Variants in WDFY3 observed in about 807,000 individuals in gnomAD.
WDFY3 encodes WD repeat and FYVE domain-containing protein 3.
Under a neutral mutation model 409.6 loss-of-function variants are expected in WDFY3, and 66 were observed. The ratio of observed to expected loss-of-function variants is 0.16; its 90% CI spans 0.13 to 0.20. The LOEUF is 0.20. WDFY3 is among the 10% of genes least tolerant of loss of function. The pLI is 1.00. For missense variants in WDFY3, 3,031 were observed against 4,298.1 expected, an observed-to-expected ratio of 0.71 and a Z score of 8.24; for synonymous variants, 1,521 against 1,537.1, an observed-to-expected ratio of 0.99 and a Z score of 0.25.
chr4:84,961,891 A>AT (rs1418078098), intron 1 of WDFY3, among the ~76,000 whole-genome samples: 12 of 152,210 alleles, frequency 7.9e-5, no homozygotes, highest in African/African-American at 2.9e-4. Context: ...TAGTTCAATA[A>AT]AAAGGTTACT....
intron 2 of WDFY3, among the ~76,000 whole-genome samples, chr4:84,900,767 C>T (rs1766242596): frequency 6.6e-6 from 1 of 152,142 alleles, no homozygotes; most frequent in African/African-American, 2.4e-5. Context: ...GTAGCAGTTA[C>T]ACTTATCTGC....
At chr4:84,760,402 T>C (rs1170786165) in intron 32 of WDFY3, among the ~76,000 whole-genome samples, 1 of 152,168 alleles carries the variant, frequency 6.6e-6, no homozygotes, top group Admixed American at 6.5e-5. Flanking sequence ...CTTGTACCTC[T>C]GGTAGAATTC....
In WDFY3 at chr4:84,794,884, C is replaced by T; in HGVS notation, c.3263G>A (p.Gly1088Asp). 1 of 1,564,440 alleles carries T rather than the reference C, an allele frequency of 6.4e-7. No individual in the cohort carries two copies. The highest frequency in any genetic ancestry group is 8.6e-7 in the Non-Finnish European group (1 of 1,163,548). ...LIDGAVVSGI[G>D]SGERFFPPPS... ...AGAAAGCAAATATTACTTACCAGAACCAATGCCACTGACCACAGCCCCATC... is the reference window on the plus strand; with the variant it reads ...AGAAAGCAAATATTACTTACCAGAATCAATGCCACTGACCACAGCCCCATC... The change falls in exon 20 of 68, where the codon GGT becomes GAT. Residue 1088 changes from glycine (G) to aspartate (D), a missense_variant. Coordinates refer to ENST00000295888, the MANE Select transcript of WDFY3 (RefSeq NM_014991.6).
Position 84,943,664 on chromosome 4 carries a change from A to G in WDFY3, c.-225-11301T>C, listed in dbSNP as rs544434549. 5.3e-5 allele frequency among the ~76,000 whole-genome samples: 8 copies of G among 152,286 alleles called. No individual in the cohort carries two copies. The East Asian group carries it at 1.5e-3, about 29-fold the overall frequency. Reference sequence around the variant, plus strand: ...CAGGAGGTCACTTCCCCTAGCCCCAACATGGTTCAAAGATCAACTGTACTT... The same window carrying G: ...CAGGAGGTCACTTCCCCTAGCCCCAGCATGGTTCAAAGATCAACTGTACTT... On this transcript the variant is annotated intron_variant, in intron 1 of 67. Coordinates refer to ENST00000295888, the MANE Select transcript of WDFY3 (RefSeq NM_014991.6).
At chr4:84,784,546 A>C (rs2149503537) in intron 24 of WDFY3, among the ~76,000 whole-genome samples, 1 of 152,030 alleles carries the variant, frequency 6.6e-6, no homozygotes. Flanking sequence ...AACTTTTAAA[A>C]TATACCTTGA....
chr4:84,812,154 CAG>C (rs1284645256), intron 13 of WDFY3, among the ~76,000 whole-genome samples: 1 of 152,036 alleles, frequency 6.6e-6, no homozygotes, highest in Non-Finnish European at 1.5e-5. Context: ...TTTTAAAAGA[CAG>C]AAAATATGCA....
rs767289367 is a variant in WDFY3 at position 84,740,335 on chromosome 4, C to T, written c.6316G>A (p.Ala2106Thr). 2.5e-6 allele frequency: 4 copies of T among 1,614,018 alleles called. No homozygotes were observed. The South Asian group carries it at 4.4e-5, about 18-fold the overall frequency. Residue 2106 changes from alanine to threonine, a missense_variant, in exon 39 of 68, where the codon GCA becomes ACA. By Grantham distance (58) the Ala-to-Thr change is moderately conservative. This residue lies in a region of WDFY3 where 314 missense variants were observed against 397.4 expected (regional missense o/e 0.79). Coordinates refer to ENST00000295888, the MANE Select transcript of WDFY3 (RefSeq NM_014991.6). ...NRTILYQFSR[A>T]HKTVPQQVAL... ...ACTTGCTGAGGAACGGTTTTGTGTG[C>T]CCGTGAGAACTGGTACAAGATGGTC...
At position 84,888,439 on chromosome 4, in the gene WDFY3, G is replaced by T. The variant is rs551332486; in HGVS notation, c.-32+8472C>A. ...GCAATTCTTTTATTAATGAGAAAAT[G>T]AGATAATAACTTTAGAAAAAAACTC... On this transcript the variant is annotated intron_variant, in intron 3 of 67. Transcript: ENST00000295888. Among the ~76,000 whole-genome samples, 6 of 151,998 alleles carry T rather than the reference G, an allele frequency of 3.9e-5. No homozygotes were observed. In the South Asian group the frequency reaches 1.2e-3, roughly 31 times the overall value.
intron 20 of WDFY3, 66 bp downstream of exon 20, chr4:84,794,813 T>A: frequency 6.6e-7 from 1 of 1,516,584 alleles, no homozygotes; most frequent in South Asian, 1.3e-5. Context: ...CAAAAGCAAA[T>A]AAACTCTAAA....
At chr4:84,704,264 A>T in intron 55 of WDFY3, 74 bp downstream of exon 55, 1 of 1,057,494 alleles carries the variant, frequency 9.5e-7, no homozygotes, top group Non-Finnish European at 1.3e-6. Flanking sequence ...GAAGATAATG[A>T]TGTTTTAAAA....
chr4:84,755,655 C>T (rs1418619850), intron 33 of WDFY3, among the ~76,000 whole-genome samples: 3 of 152,180 alleles, frequency 2.0e-5, no homozygotes, highest in East Asian at 3.9e-4. Flanking sequence ...TTGCTTTCTA[C>T]CTTTTTCCTA....
chr4:84,740,431 G>C lies in WDFY3; in HGVS notation c.6235-15C>G. 1 of 1,612,078 alleles carries C rather than the reference G, an allele frequency of 6.2e-7. No homozygotes were observed. The highest frequency in any genetic ancestry group is 8.5e-7 in the Non-Finnish European group (1 of 1,178,264). On this transcript the variant is annotated splice_polypyrimidine_tract_variant and intron_variant, in intron 38 of 67. Coordinates refer to ENST00000295888, the MANE Select transcript of WDFY3 (RefSeq NM_014991.6). Reference sequence around the variant, plus strand: ...CTTCTCTTTGACTAAAGACATGAAAGGTATGTTTTTAGTATAATAGACAAA... The same window carrying C: ...CTTCTCTTTGACTAAAGACATGAAACGTATGTTTTTAGTATAATAGACAAA...
intron 27 of WDFY3, among the ~76,000 whole-genome samples, chr4:84,775,663 G>C (rs1347364090): frequency 6.6e-6 from 1 of 151,698 alleles, no homozygotes; most frequent in Non-Finnish European, 1.5e-5. Flanking sequence ...TGTGTCATTG[G>C]TGTCCAGAAA....
intron 22 of WDFY3, among the ~76,000 whole-genome samples, chr4:84,789,479 T>C (rs1202001133): frequency 3.3e-5 from 5 of 152,220 alleles, no homozygotes; most frequent in Admixed American, 6.5e-5. Flanking sequence ...AGCTCTTGCA[T>C]ATTCAGCAAC....
chr4:84,742,302 ACT>A (rs775667544), intron 37 of WDFY3, among the ~76,000 whole-genome samples: 5 of 152,170 alleles, frequency 3.3e-5, no homozygotes, highest in Admixed American at 6.5e-5. Flanking sequence ...GTGAAACAAA[ACT>A]CTGTTTTAGT....
intron 23 of WDFY3, among the ~76,000 whole-genome samples, chr4:84,787,077 T>C (rs1409708397): frequency 6.6e-6 from 1 of 152,216 alleles, no homozygotes; most frequent in Non-Finnish European, 1.5e-5. Flanking sequence ...GGAAAAATAA[T>C]GTTAAGTGAT....
At chr4:84,930,544 GCA>G (rs1304161526) in intron 2 of WDFY3, among the ~76,000 whole-genome samples, 1 of 152,146 alleles carries the variant, frequency 6.6e-6, no homozygotes, top group Non-Finnish European at 1.5e-5. Context: ...AAATTGAGGT[GCA>G]CAGAGAAAAA....
chr4:84,853,797 C>T (rs1578827760), intron 4 of WDFY3, among the ~76,000 whole-genome samples: 1 of 152,140 alleles, frequency 6.6e-6, no homozygotes. Context: ...AAAATCAGTA[C>T]TACAGAAAAA....
intron 33 of WDFY3, among the ~76,000 whole-genome samples, chr4:84,756,220 A>AC (rs1384187057): frequency 6.6e-6 from 1 of 152,114 alleles, no homozygotes; most frequent in African/African-American, 2.4e-5. Flanking sequence ...ATCCTGTCAT[A>AC]CCCACTCGAG....
Sources: allele counts gnomAD v4.1 joint callset (sites outside exome capture counted in the v4.1 genomes callset), GRCh38; gene constraint gnomAD v4.1.1; regional missense constraint gnomAD v4.1.1; transcripts MANE v1.5; gene names NCBI Gene and HGNC (gene_info 2026-07-23, HGNC 2026-07-21).